The following PDE8B variants were observed in gnomAD, a reference collection of about 807,000 sequenced individuals.
The protein encoded by PDE8B is high affinity cAMP-specific and IBMX-insensitive 3',5'-cyclic phosphodiesterase 8B.
Under a neutral mutation model 101.3 loss-of-function variants are expected in PDE8B, and 26 were observed. The ratio of observed to expected loss-of-function variants is 0.26; its 90% CI spans 0.19 to 0.36. The LOEUF is 0.36. PDE8B is among the 10% of genes least tolerant of loss of function. The pLI, the probability that PDE8B is intolerant of heterozygous loss-of-function variation, is 1.00. For missense variants in PDE8B, 810 were observed against 1,163.1 expected (o/e 0.70, Z 4.42); for synonymous variants, 424 against 429.3 (o/e 0.99, Z 0.15).
chr5:77,210,232 A>C (rs147169720), upstream of PDE8B, among the ~76,000 whole-genome samples: 1 of 152,080 alleles, frequency 6.6e-6, no homozygotes, highest in Non-Finnish European at 1.5e-5. The surrounding 1 kb of genome is among the most constrained non-coding windows in gnomAD (Gnocchi z 4.9). Flanking sequence ...GGATGAGTGC[A>C]GAAGAGACGA....
chr5:77,105,143 T>C, the PDE8B span: 1 of 152,248 alleles, frequency 6.6e-6, no homozygotes, highest in African/African-American at 2.4e-5. Context: ...TAAGTTTCAT[T>C]CTGTTATATA....
At chr5:77,370,380 T>C (rs1784875090) in intron 10 of PDE8B, among the ~76,000 whole-genome samples, 1 of 152,230 alleles carries the variant, frequency 6.6e-6, no homozygotes, top group African/African-American at 2.4e-5. Flanking sequence ...TAGTTTTGCC[T>C]GTTCTAGAAT....
At chr5:77,195,379 G>A in the PDE8B span, among the ~76,000 whole-genome samples, 937 of 152,300 alleles carry the variant, frequency 6.2e-3, 4 homozygotes, top group Non-Finnish European at 7.5e-3. Context: ...ATGCGTTCAA[G>A]CCATAGCATT....
At chr5:77,171,882 C>T in the PDE8B span, among the ~76,000 whole-genome samples, 4 of 152,056 alleles carry the variant, frequency 2.6e-5, no homozygotes, top group African/African-American at 9.7e-5. Context: ...GGCCAGGGAC[C>T]CATTGATGAA....
intron 1 of PDE8B, among the ~76,000 whole-genome samples, chr5:77,216,257 T>C (rs1749684392): frequency 6.6e-6 from 1 of 152,112 alleles, no homozygotes; most frequent in African/African-American, 2.4e-5. Context: ...GGGGAGGGGA[T>C]GTGTATTAGT....
intron 10 of PDE8B, among the ~76,000 whole-genome samples, chr5:77,399,383 C>T (rs922118288): frequency 6.6e-6 from 1 of 152,196 alleles, no homozygotes; most frequent in East Asian, 1.9e-4. Context: ...TGTTGCTAAG[C>T]CATATTAATC....
intron 10 of PDE8B, among the ~76,000 whole-genome samples, 153 bp from the exon 11 acceptor site, chr5:77,400,095 G>GGT (rs1791931208): frequency 6.6e-6 from 1 of 152,066 alleles, no homozygotes; most frequent in Non-Finnish European, 1.5e-5. Context: ...AGTACCACTT[G>GGT]GTGTATGTCT....
At chr5:77,122,333 A>G in the PDE8B span, among the ~76,000 whole-genome samples, 1 of 152,224 alleles carries the variant, frequency 6.6e-6, no homozygotes, top group Non-Finnish European at 1.5e-5. Flanking sequence ...CATGGTAATC[A>G]GAGTCGATTA....
chr5:77,285,624 G>C (rs1765850976), intron 1 of PDE8B, among the ~76,000 whole-genome samples: 1 of 151,920 alleles, frequency 6.6e-6, no homozygotes, highest in Admixed American at 6.6e-5. Context: ...CCTTAAATCT[G>C]TAAATATATG....
At chr5:77,352,583 A>C (rs1266733112) in intron 9 of PDE8B, among the ~76,000 whole-genome samples, 1 of 152,234 alleles carries the variant, frequency 6.6e-6, no homozygotes, top group Non-Finnish European at 1.5e-5. Context: ...GAAGTTTATT[A>C]CAGAGTAACC....
chr5:77,356,995 T>A (rs1338773979), intron 10 of PDE8B, among the ~76,000 whole-genome samples: 24 of 152,204 alleles, frequency 1.6e-4, no homozygotes, highest in Admixed American at 1.6e-3. Context: ...TGTAACCAGT[T>A]TCCCAGGCCC....
chr5:77,324,596 T>C (rs560064900), intron 2 of PDE8B, among the ~76,000 whole-genome samples: 4 of 152,344 alleles, frequency 2.6e-5, no homozygotes, highest in African/African-American at 7.2e-5. Context: ...AGTTCATCAA[T>C]AGAAGCACTT....
chr5:77,105,787 T>G, the PDE8B span: 1 of 152,220 alleles, frequency 6.6e-6, no homozygotes, highest in African/African-American at 2.4e-5. Context: ...GAGTTCCAGG[T>G]GCTCCACATC....
the PDE8B span, among the ~76,000 whole-genome samples, chr5:77,116,928 C>T: frequency 6.6e-6 from 1 of 152,150 alleles, no homozygotes. Context: ...CTTCTCTCAC[C>T]ACCACTGCCA....
chr5:77,273,811 T>TTA (rs1554070163), intron 1 of PDE8B, among the ~76,000 whole-genome samples: 1 of 151,840 alleles, frequency 6.6e-6, no homozygotes, highest in African/African-American at 2.4e-5. Flanking sequence ...GTTTTTTTTT[T>TTA]ATTTATTTTT....
At chr5:77,385,089 A>C (rs1052345325) in intron 10 of PDE8B, among the ~76,000 whole-genome samples, 2 of 152,104 alleles carry the variant, frequency 1.3e-5, no homozygotes, top group African/African-American at 4.8e-5. Context: ...TTTGACTGTG[A>C]ATCCTTCTGA....
At chr5:77,278,557 C>T (rs940430161) in intron 1 of PDE8B, among the ~76,000 whole-genome samples, 2 of 152,144 alleles carry the variant, frequency 1.3e-5, no homozygotes, top group African/African-American at 4.8e-5. Flanking sequence ...GCAAGCTCTG[C>T]CTCCCGGGTT....
chr5:77,218,037 C>T (rs1057125203), intron 1 of PDE8B, among the ~76,000 whole-genome samples: 1 of 152,088 alleles, frequency 6.6e-6, no homozygotes, highest in African/African-American at 2.4e-5. Flanking sequence ...AAAAGTAGTT[C>T]CTGAAGTAGG....
intron 1 of PDE8B, among the ~76,000 whole-genome samples, chr5:77,288,325 G>A (rs1288247673): frequency 6.6e-6 from 1 of 152,102 alleles, no homozygotes; most frequent in Non-Finnish European, 1.5e-5. Context: ...CTCGGCTTCT[G>A]GAATTGTCAG....
Sources: gnomAD v4.1 joint callset for allele counts (sites outside exome capture counted in the v4.1 genomes callset) on GRCh38, gnomAD v4.1.1 for gene constraint, Gnocchi (gnomAD v3.1) non-coding constraint, MANE v1.5 for transcripts, NCBI Gene and HGNC (gene_info 2026-07-23, HGNC 2026-07-21) for gene names.